The following ADAM22 variants were observed in gnomAD, a reference collection of about 807,000 sequenced individuals.
ADAM22 encodes ADAM metallopeptidase domain 22.
A neutral mutation model predicts 144.6 loss-of-function variants in ADAM22; 65 were observed. The ratio of observed to expected loss-of-function variants is 0.45; its 90% CI spans 0.37 to 0.55. ADAM22 has a LOEUF of 0.55. ADAM22 is among the 20% of genes least tolerant of loss of function. ADAM22 has a pLI of 0.00. For synonymous variants in ADAM22, 391 were observed against 412.6 expected (o/e 0.95, Z 0.63); for missense variants, 974 against 1,184.9 (o/e 0.82, Z 2.61).
intron 3 of ADAM22, among the ~76,000 whole-genome samples, chr7:88,026,906 G>A (rs142370567): frequency 6.6e-6 from 1 of 152,212 alleles, no homozygotes; most frequent in African/African-American, 2.4e-5. Context: ...TTCTTCTATA[G>A]CCAGTTTTTT....
At chr7:88,002,421 G>A (rs1187545668) in intron 3 of ADAM22, among the ~76,000 whole-genome samples, 1 of 152,166 alleles carries the variant, frequency 6.6e-6, no homozygotes, top group Non-Finnish European at 1.5e-5. Flanking sequence ...GGAGCTGGGT[G>A]TGGAATCCAT....
intron 3 of ADAM22, among the ~76,000 whole-genome samples, chr7:88,027,805 C>A (rs913826255): frequency 1.3e-5 from 2 of 150,714 alleles, no homozygotes; most frequent in African/African-American, 4.9e-5. Flanking sequence ...AGCTTTTCTA[C>A]CTTTTTTTTT....
Position 88,196,940 on chromosome 7 carries a change from A to T in ADAM22, c.*449A>T, listed in dbSNP as rs958959362. 6.1e-6 allele frequency: 1 copy of T among 164,064 alleles called. No homozygotes were observed. The highest frequency in any genetic ancestry group is 1.3e-5 in the Non-Finnish European group (1 of 74,264). 10.2% of individuals were successfully genotyped at this position (164,064 alleles called of 1,614,324 possible). A position where few individuals can be genotyped will look rare whatever the true frequency, so the allele number is the denominator to read the frequency against. On this transcript the variant is annotated 3_prime_UTR_variant, in exon 32 of 32. Coordinates refer to ENST00000413139, the MANE Select transcript of ADAM22 (RefSeq NM_001324418.2). ...ATTGTTTTCCATATTTAAGGAAACAACATCCCATAATAGAAATGAGCATGC... is the reference window on the plus strand; with the variant it reads ...ATTGTTTTCCATATTTAAGGAAACATCATCCCATAATAGAAATGAGCATGC...
chr7:87,935,981 A>G (rs1841157184), intron 2 of ADAM22, among the ~76,000 whole-genome samples: 2 of 152,156 alleles, frequency 1.3e-5, no homozygotes, highest in Admixed American at 1.3e-4. Context: ...CAGGCAGTTC[A>G]CCCACCTGTA....
chr7:87,952,126 C>A (rs1159811026), intron 2 of ADAM22, among the ~76,000 whole-genome samples: 1 of 151,740 alleles, frequency 6.6e-6, no homozygotes, highest in Non-Finnish European at 1.5e-5. Context: ...AATTGAAGAC[C>A]CTTTATTTCC....
At chr7:88,012,888 C>T (rs1795751833) in intron 3 of ADAM22, among the ~76,000 whole-genome samples, 1 of 152,162 alleles carries the variant, frequency 6.6e-6, no homozygotes, top group South Asian at 2.1e-4. Flanking sequence ...GAAGTCCTTC[C>T]CTGTGGAGAG....
chr7:88,099,025 A>G (rs1019153230), intron 4 of ADAM22, among the ~76,000 whole-genome samples: 2 of 152,184 alleles, frequency 1.3e-5, no homozygotes, highest in African/African-American at 2.4e-5. Flanking sequence ...GGTGTTAACC[A>G]GTAGTGTATA....
chr7:88,056,215 A>G (rs1414259955), intron 3 of ADAM22, among the ~76,000 whole-genome samples: 1 of 152,170 alleles, frequency 6.6e-6, no homozygotes, highest in Non-Finnish European at 1.5e-5. Context: ...TACTTCATAG[A>G]AAAGGACAAT....
rs114691137 is a variant in ADAM22, at chr7:88,069,838, G to A, written c.324-5788G>A. Among the ~76,000 whole-genome samples, 1,316 of 152,214 alleles carry A rather than the reference G, an allele frequency of 8.6e-3. 12 individuals carry two copies. The highest frequency in any genetic ancestry group is 0.012 in the African/African-American group (505 of 41,534). On this transcript the variant is annotated intron_variant, in intron 3 of 31. Transcript: ENST00000413139. ...TTCAAAAAGTGGGAAATAGCTACTC[G>A]GCAGTCACTGGTCCATTGAATTTCT...
intron 21 of ADAM22, among the ~76,000 whole-genome samples, chr7:88,153,912 C>G (rs1839173637): frequency 2.0e-5 from 3 of 152,202 alleles, no homozygotes; most frequent in African/African-American, 7.2e-5. Flanking sequence ...CCAGCATTCC[C>G]TAGTGTACTA....
At chr7:88,116,968 A>C (rs1200325768) in intron 7 of ADAM22, among the ~76,000 whole-genome samples, 154 bp downstream of exon 7, 3 of 152,200 alleles carry the variant, frequency 2.0e-5, no homozygotes, top group African/African-American at 2.4e-5. Context: ...GGGAGAATAA[A>C]ATGCAAACTG....
At chr7:88,196,326 C>G in intron 31 of ADAM22, 145 bp from the exon 32 acceptor site, 1 of 893,676 alleles carries the variant, frequency 1.1e-6, no homozygotes, top group Non-Finnish European at 1.8e-6. Flanking sequence ...AGTGTTTATT[C>G]TATCCACTTT....
At chr7:88,051,986 C>G (rs2129474440) in intron 3 of ADAM22, among the ~76,000 whole-genome samples, 1 of 152,210 alleles carries the variant, frequency 6.6e-6, no homozygotes, top group South Asian at 2.1e-4. Flanking sequence ...TGGGTTTAGG[C>G]TGGGTTTAAC....
chr7:87,947,490 T>G (rs1843981826), intron 2 of ADAM22, among the ~76,000 whole-genome samples: 1 of 152,102 alleles, frequency 6.6e-6, no homozygotes, highest in African/African-American at 2.4e-5. Context: ...TATAGCAGTT[T>G]TCATTGACTC....
chr7:87,948,074 A>ATCCCTCTTT (rs1844146934), intron 2 of ADAM22, among the ~76,000 whole-genome samples: 1 of 152,062 alleles, frequency 6.6e-6, no homozygotes, highest in Admixed American at 6.6e-5. Context: ...TCATCCCTCA[A>ATCCCTCTTT]TATAGGCTCT....
intron 27 of ADAM22, among the ~76,000 whole-genome samples, chr7:88,179,335 C>A (rs766605746): frequency 7.9e-5 from 12 of 151,916 alleles, no homozygotes; most frequent in Admixed American, 2.0e-4. Flanking sequence ...GCTTAAGAAA[C>A]TATACATAGT....
At chr7:87,990,624 A>G (rs1263387823) in intron 3 of ADAM22, among the ~76,000 whole-genome samples, 5 of 151,986 alleles carry the variant, frequency 3.3e-5, no homozygotes, top group Non-Finnish European at 7.4e-5. Context: ...TATCACTTAT[A>G]TATCTATCCC....
At chr7:88,116,641 C>A in intron 6 of ADAM22, 104 bp from the exon 7 acceptor site, 2 of 864,680 alleles carry the variant, frequency 2.3e-6, no homozygotes, top group Non-Finnish European at 3.7e-6. Flanking sequence ...CAGGAGAATG[C>A]ATAGGCAAGC....
chr7:88,162,133 C>CACA, intron 22 of ADAM22, among the ~76,000 whole-genome samples: 5 of 149,386 alleles, frequency 3.3e-5, no homozygotes, highest in South Asian at 2.1e-4. Flanking sequence ...CACACACACA[C>CACA]CATGGAATAC....
Sources: allele counts gnomAD v4.1 joint callset (sites outside exome capture counted in the v4.1 genomes callset), GRCh38; gene constraint gnomAD v4.1.1; transcripts MANE v1.5; gene names NCBI Gene and HGNC (gene_info 2026-07-23, HGNC 2026-07-21).